GABBR2: variants seen among roughly 807,000 people sequenced by gnomAD.
The protein encoded by GABBR2 is G-protein coupled receptor 51.
GABBR2 carries 23 observed loss-of-function variants against 105.6 expected under a neutral mutation model. The ratio of observed to expected loss-of-function variants is 0.22; its 90% CI spans 0.16 to 0.31. The LOEUF is 0.31. Ranked by LOEUF, GABBR2 falls within the 10% of genes least tolerant of loss-of-function variation. GABBR2 has a pLI of 1.00. For missense variants in GABBR2, 734 were observed against 1,245.5 expected, an observed-to-expected ratio of 0.59 and a Z score of 6.18; for synonymous variants, 478 against 499.7, an observed-to-expected ratio of 0.96 and a Z score of 0.58.
chr9:98,481,331 C>T (rs566756426), intron 4 of GABBR2, among the ~76,000 whole-genome samples: 26 of 152,340 alleles, frequency 1.7e-4, no homozygotes, highest in African/African-American at 6.0e-4. Flanking sequence ...CAGGCAAATC[C>T]TGCAGTCCAT....
At chr9:98,605,598 G>A (rs1322409627) in intron 1 of GABBR2, among the ~76,000 whole-genome samples, 1 of 152,254 alleles carries the variant, frequency 6.6e-6, no homozygotes, top group East Asian at 1.9e-4. Flanking sequence ...GCCATTTGGG[G>A]CTATGGCAAG....
At chr9:98,693,682 AC>A (rs1830713558) in intron 1 of GABBR2, among the ~76,000 whole-genome samples, 1 of 152,318 alleles carries the variant, frequency 6.6e-6, no homozygotes, top group Admixed American at 6.5e-5. Flanking sequence ...CTCAGAGCTG[AC>A]CCTGGGCCTC....
intron 1 of GABBR2, among the ~76,000 whole-genome samples, chr9:98,687,774 C>T (rs1830638650): frequency 6.6e-6 from 1 of 152,206 alleles, no homozygotes; most frequent in Admixed American, 6.5e-5. Flanking sequence ...CTCCACAGGA[C>T]AGGGGCAATG....
chr9:98,571,786 G>T (rs1422748479), intron 2 of GABBR2, among the ~76,000 whole-genome samples: 1 of 152,196 alleles, frequency 6.6e-6, no homozygotes, highest in East Asian at 1.9e-4. Flanking sequence ...CAGCCAGGCA[G>T]CGTGCTCCAT....
intron 1 of GABBR2, among the ~76,000 whole-genome samples, chr9:98,695,436 G>A (rs1167817970): frequency 1.3e-5 from 2 of 152,096 alleles, no homozygotes; most frequent in South Asian, 2.1e-4. Context: ...AGCTCTCAGC[G>A]CACCTCAAAT....
chr9:98,708,687 T>TGGC lies in GABBR2; in HGVS notation c.48_50dup (p.Pro20dup), dbSNP rs751111546. ...GCAGTAGCAGGCGCGCGGGCGGCGG[T>TGGC]GGCGGCGGCGGCGGCGGCCCGGGCT... On this transcript the variant is annotated inframe_insertion, in exon 1 of 19. Coordinates refer to ENST00000259455, the MANE Select transcript of GABBR2 (RefSeq NM_005458.8). The TGGC allele has an allele frequency of 2.3e-5, 25 of 1,065,912 alleles. No individual in the cohort carries two copies. The highest frequency in any genetic ancestry group is 3.4e-5 in the African/African-American group (2 of 58,082). The allele number at this position is 1,065,912 out of a possible 1,614,324, so 66.0% of individuals were successfully genotyped here. A position where few individuals can be genotyped will look rare whatever the true frequency, so the allele number is the denominator to read the frequency against.
intron 7 of GABBR2, among the ~76,000 whole-genome samples, chr9:98,414,338 G>C (rs185745958): frequency 1.6e-4 from 24 of 152,330 alleles, no homozygotes; most frequent in Non-Finnish European, 2.9e-4. Flanking sequence ...CAAGTGCAAA[G>C]GTCCTGAGGC....
At chr9:98,694,377 C>A (rs1374798624) in intron 1 of GABBR2, among the ~76,000 whole-genome samples, 1 of 152,244 alleles carries the variant, frequency 6.6e-6, no homozygotes, top group Admixed American at 6.5e-5. Flanking sequence ...GGCCTGACAC[C>A]TGCCAAAGAC....
chr9:98,342,692 C>T (rs1002626062), intron 13 of GABBR2, among the ~76,000 whole-genome samples: 21 of 152,220 alleles, frequency 1.4e-4, no homozygotes, highest in African/African-American at 4.8e-4. Flanking sequence ...GCCTCACTCA[C>T]TGTTCAGGGC....
intron 13 of GABBR2, among the ~76,000 whole-genome samples, chr9:98,320,376 G>T (rs1830798071): frequency 6.6e-6 from 1 of 151,848 alleles, no homozygotes; most frequent in Non-Finnish European, 1.5e-5. Flanking sequence ...TTACACTGTT[G>T]GTGGGACTGT....
rs147863670 is a variant in GABBR2, at chr9:98,362,935, C to A, written c.1771-98G>T. 563 of 1,058,094 alleles carry A rather than the reference C, an allele frequency of 5.3e-4. 3 individuals carry two copies. The African/African-American group carries it at 8.0e-3, about 15-fold the overall frequency. 65.5% of individuals were successfully genotyped at this position (1,058,094 alleles called of 1,614,324 possible). A position where few individuals can be genotyped will look rare whatever the true frequency, so the allele number is the denominator to read the frequency against. On this transcript the variant is annotated intron_variant, in intron 12 of 18. Transcript: ENST00000259455. ...TCATAGGGGGAACCTGCATCATGAA[C>A]CCCCCAGCCGGAGAGTCTCCTGCGA...
chr9:98,560,759 TTATA>T (rs557088734), intron 2 of GABBR2, among the ~76,000 whole-genome samples: 1 of 142,080 alleles, frequency 7.0e-6, no homozygotes, highest in African/African-American at 2.6e-5. Context: ...ATATTTAGTA[TTATA>T]TATATACTAT....
At chr9:98,361,443 A>G (rs1223564348) in intron 13 of GABBR2, among the ~76,000 whole-genome samples, 1 of 152,206 alleles carries the variant, frequency 6.6e-6, no homozygotes, top group Non-Finnish European at 1.5e-5. Context: ...CCAGTTAGCC[A>G]ATGATAGCTC....
At chr9:98,422,066 C>CA (rs940562088) in intron 7 of GABBR2, among the ~76,000 whole-genome samples, 1 of 152,114 alleles carries the variant, frequency 6.6e-6, no homozygotes, top group South Asian at 2.1e-4. Flanking sequence ...GGTCTAAAAT[C>CA]AACGTGGTCT....
chr9:98,430,127 T>A (rs1314778990), intron 7 of GABBR2, among the ~76,000 whole-genome samples: 1 of 151,520 alleles, frequency 6.6e-6, no homozygotes, highest in Non-Finnish European at 1.5e-5. Context: ...TCTACTAAAA[T>A]AAAAATAAAA....
chr9:98,394,754 C>T (rs1832256430), intron 8 of GABBR2, among the ~76,000 whole-genome samples: 1 of 152,230 alleles, frequency 6.6e-6, no homozygotes, highest in South Asian at 2.1e-4. Context: ...ACCCCAGCCC[C>T]TCCTTGGGCC....
intron 7 of GABBR2, among the ~76,000 whole-genome samples, chr9:98,436,300 TATACCCATAAATATACC>T (rs1825904505): frequency 8.7e-6 from 1 of 114,324 alleles, no homozygotes; most frequent in African/African-American, 3.5e-5. Context: ...TATATATATA[TATACCCATAAATATACC>T]ATATATATAT....
chr9:98,486,820 A>G (rs872091), intron 4 of GABBR2, among the ~76,000 whole-genome samples: 43,468 of 152,082 alleles, frequency 0.29, 6,975 homozygotes, highest in East Asian at 0.66. Flanking sequence ...TGGGCCCTAG[A>G]AGTTCAGCCT....
intron 13 of GABBR2, among the ~76,000 whole-genome samples, chr9:98,344,405 T>C (rs1265149135): frequency 1.3e-5 from 2 of 152,244 alleles, no homozygotes; most frequent in Non-Finnish European, 2.9e-5. Context: ...ACACCTGCTA[T>C]ATCTGAAATG....
Sources: allele counts gnomAD v4.1 joint callset (sites outside exome capture counted in the v4.1 genomes callset), GRCh38; gene constraint gnomAD v4.1.1; transcripts MANE v1.5; gene names NCBI Gene and HGNC (gene_info 2026-07-23, HGNC 2026-07-21).